The following PTPRZ1 variants were observed in gnomAD, a reference collection of about 807,000 sequenced individuals.
The protein encoded by PTPRZ1 is receptor-type tyrosine-protein phosphatase zeta.
In PTPRZ1, 82 loss-of-function variants were observed where a neutral mutation model predicts 214.1. The ratio of observed to expected loss-of-function variants is 0.38; its 90% CI spans 0.32 to 0.46. The LOEUF (loss-of-function observed/expected upper bound fraction) is 0.46. Among genes scored for constraint, PTPRZ1 ranks in the 20% least tolerant of loss-of-function variants. The pLI, the probability that PTPRZ1 is intolerant of heterozygous loss-of-function variation, is 1.00. For missense variants in PTPRZ1, 2,603 were observed against 2,748.7 expected (o/e 0.95, Z 1.19); for synonymous variants, 945 against 987.9 (o/e 0.96, Z 0.81).
At chr7:121,908,582 TA>T (rs1346734850) in intron 1 of PTPRZ1, 6 of 351,248 alleles carry the variant, frequency 1.7e-5, no homozygotes, top group Non-Finnish European at 3.3e-5. Context: ...TGGTATCTTT[TA>T]CGTCTGTAAT....
At chr7:121,885,433 G>A (rs1463645886) in intron 1 of PTPRZ1, among the ~76,000 whole-genome samples, 2 of 152,160 alleles carry the variant, frequency 1.3e-5, no homozygotes, top group African/African-American at 2.4e-5. Flanking sequence ...CATAAAGCGT[G>A]AAATCACATT....
chr7:122,051,645 C>G, intron 24 of PTPRZ1, 124 bp downstream of exon 24: 1 of 866,660 alleles, frequency 1.2e-6, no homozygotes, highest in Non-Finnish European at 1.8e-6. Context: ...TAATTTTGTC[C>G]AATATGTAAC....
At chr7:121,975,109 C>T (rs1296828342) in intron 4 of PTPRZ1, among the ~76,000 whole-genome samples, 1 of 152,070 alleles carries the variant, frequency 6.6e-6, no homozygotes, top group Admixed American at 6.5e-5. Flanking sequence ...ATCACTTAAG[C>T]CCATGAGGTC....
chr7:121,928,278 AT>A, intron 2 of PTPRZ1, 57 bp downstream of exon 2: 3 of 1,310,600 alleles, frequency 2.3e-6, no homozygotes, highest in Non-Finnish European at 3.2e-6. Flanking sequence ...TTTTGTATCT[AT>A]TTTTATATAT....
rs1798699968 is a variant in PTPRZ1, at chr7:122,012,415, T to A, written c.3369T>A (p.Phe1123Leu). The A allele has an allele frequency of 6.2e-7, 1 of 1,613,884 alleles. No homozygotes were observed. The change falls in exon 12 of 30, where the codon TTT (phenylalanine) becomes TTA (leucine). Residue 1123 changes from phenylalanine to leucine, a missense_variant. Transcript: ENST00000393386. ...TTAGTCAAGTTCCAGAAAATAACTT[T>A]TCAGTTCAACCTACACATACTGTCT... ...HEISQVPENN[F>L]SVQPTHTVSQ...
chr7:121,997,785 G>A (rs1211815823), intron 9 of PTPRZ1, 95 bp from the exon 10 acceptor site: 11 of 1,008,960 alleles, frequency 1.1e-5, no homozygotes, highest in East Asian at 2.8e-5. Context: ...TATTTTCCAC[G>A]GACCAGGGAG....
At chr7:122,002,716 T>C (rs974886986) in intron 10 of PTPRZ1, among the ~76,000 whole-genome samples, 1 of 152,194 alleles carries the variant, frequency 6.6e-6, no homozygotes, top group Non-Finnish European at 1.5e-5. Flanking sequence ...TAGGTGGAGT[T>C]AGACCATTTT....
intron 6 of PTPRZ1, among the ~76,000 whole-genome samples, chr7:121,977,788 A>G (rs565240004): frequency 1.7e-4 from 26 of 151,974 alleles, no homozygotes; most frequent in East Asian, 5.8e-4. Context: ...AAAATTCTAC[A>G]TTGAATGCGA....
intron 13 of PTPRZ1, among the ~76,000 whole-genome samples, chr7:122,021,031 T>C (rs1425996575): frequency 2.0e-5 from 3 of 152,178 alleles, no homozygotes; most frequent in Non-Finnish European, 4.4e-5. Context: ...CAAACTACCT[T>C]TTTAATTAAT....
chr7:121,882,981 G>A (rs1233012932), intron 1 of PTPRZ1, among the ~76,000 whole-genome samples: 1 of 152,052 alleles, frequency 6.6e-6, no homozygotes, highest in Non-Finnish European at 1.5e-5. Flanking sequence ...GATGTAGCAT[G>A]GAACACAGGG....
chr7:122,050,459 G>C (rs1792142196), intron 23 of PTPRZ1, among the ~76,000 whole-genome samples: 1 of 137,614 alleles, frequency 7.3e-6, no homozygotes, highest in African/African-American at 2.7e-5. Context: ...GGAGGGAAAA[G>C]GAGAGGAGGG....
chr7:122,015,848 A>G (rs1798827604), intron 12 of PTPRZ1, among the ~76,000 whole-genome samples: 1 of 152,078 alleles, frequency 6.6e-6, no homozygotes, highest in African/African-American at 2.4e-5. Flanking sequence ...GACATCCAAC[A>G]TTATCAAGTA....
intron 29 of PTPRZ1, 25 bp downstream of exon 29, chr7:122,059,913 A>G: frequency 6.2e-7 from 1 of 1,601,428 alleles, no homozygotes; most frequent in Non-Finnish European, 8.5e-7. Context: ...AGTGAACGAA[A>G]TTTTTCACTG....
In PTPRZ1 at chr7:122,023,529, A is replaced by ATG. The variant is rs998724727; in HGVS notation, c.4988+4262_4988+4263insGT. 3.7e-5 allele frequency among the ~76,000 whole-genome samples: 5 copies of ATG among 135,306 alleles called. 2 individuals carry two copies. The highest frequency in any genetic ancestry group is 1.1e-4 in the African/African-American group (4 of 36,226). 88.8% of individuals were successfully genotyped at this position (135,306 alleles called of 152,430 possible). On this transcript the variant is annotated intron_variant, in intron 13 of 29. Coordinates refer to ENST00000393386, the MANE Select transcript of PTPRZ1 (RefSeq NM_002851.3). ...TGTATAATTTTATATATAATTATAT[A>ATG]TATATAATTTTATATATAATTATAT...
chr7:121,902,021 T>C (rs1584619141), intron 1 of PTPRZ1, among the ~76,000 whole-genome samples: 1 of 152,166 alleles, frequency 6.6e-6, no homozygotes, highest in African/African-American at 2.4e-5. Flanking sequence ...TCCCCGCTAC[T>C]CTCACCAGCA....
At chr7:121,986,349 G>C (rs1311219368) in intron 8 of PTPRZ1, among the ~76,000 whole-genome samples, 1 of 152,120 alleles carries the variant, frequency 6.6e-6, no homozygotes, top group Non-Finnish European at 1.5e-5. Flanking sequence ...CTAAAGCTTT[G>C]CAAACTTCTG....
chr7:121,985,149 T>C (rs1052089741), intron 8 of PTPRZ1, among the ~76,000 whole-genome samples: 2 of 152,192 alleles, frequency 1.3e-5, no homozygotes, highest in Non-Finnish European at 2.9e-5. Context: ...CAGTGATGAA[T>C]AGCTATATTT....
chr7:121,937,288 A>G (rs2116407277), intron 2 of PTPRZ1, among the ~76,000 whole-genome samples: 1 of 152,284 alleles, frequency 6.6e-6, no homozygotes, highest in South Asian at 2.1e-4. Flanking sequence ...TGGAAGCCAG[A>G]ATCAAGGGAG....
At chr7:122,056,631 AAT>A (rs1792355843) in intron 27 of PTPRZ1, among the ~76,000 whole-genome samples, 1 of 151,784 alleles carries the variant, frequency 6.6e-6, no homozygotes, top group Middle Eastern at 3.2e-3. Flanking sequence ...GAATTTATTA[AAT>A]ATTGAATATA....
Sources: allele counts gnomAD v4.1 joint callset (sites outside exome capture counted in the v4.1 genomes callset), GRCh38; gene constraint gnomAD v4.1.1; transcripts MANE v1.5; gene names NCBI Gene and HGNC (gene_info 2026-07-23, HGNC 2026-07-21).